The following REV3L variants were observed in gnomAD, a reference collection of about 807,000 sequenced individuals.
REV3L encodes REV3 like, DNA directed polymerase zeta catalytic subunit.
In REV3L, 69 loss-of-function variants were observed where a neutral mutation model predicts 299.4. The ratio of observed to expected loss-of-function variants is 0.23; its 90% CI spans 0.19 to 0.28. REV3L has a LOEUF of 0.28. REV3L is among the 10% of genes least tolerant of loss of function. The pLI, the probability that REV3L is intolerant of heterozygous loss-of-function variation, is 1.00. For missense variants in REV3L, 3,128 were observed against 3,693.8 expected (o/e 0.85, Z 3.97); for synonymous variants, 1,238 against 1,271.4 (o/e 0.97, Z 0.56).
At chr6:111,383,003 A>AAC (rs1780990849) in intron 9 of REV3L, among the ~76,000 whole-genome samples, 1 of 152,184 alleles carries the variant, frequency 6.6e-6, no homozygotes, top group African/African-American at 2.4e-5. Flanking sequence ...GCCAGAAGGG[A>AAC]ACCTGCTGCC....
intron 1 of REV3L, among the ~76,000 whole-genome samples, chr6:111,447,999 T>G (rs1268036547): frequency 6.6e-6 from 1 of 152,224 alleles, no homozygotes; most frequent in Non-Finnish European, 1.5e-5. Context: ...AAATTTTACT[T>G]TAATTGTATT....
chr6:111,321,045 T>G (rs1174267091), intron 26 of REV3L, among the ~76,000 whole-genome samples: 3 of 152,176 alleles, frequency 2.0e-5, no homozygotes, highest in Non-Finnish European at 4.4e-5. Context: ...ATAATAACTA[T>G]AAAATCTGAT....
chr6:111,474,164 A>C (rs1159133999), intron 1 of REV3L, among the ~76,000 whole-genome samples: 1 of 152,258 alleles, frequency 6.6e-6, no homozygotes, highest in Non-Finnish European at 1.5e-5. Flanking sequence ...TTTCAAAACC[A>C]AACATTTTCA....
chr6:111,343,841 C>A, intron 21 of REV3L, 84 bp downstream of exon 21: 1 of 1,024,902 alleles, frequency 9.8e-7, no homozygotes. Flanking sequence ...GAACAATACA[C>A]TTTAAATGTG....
chr6:111,473,575 G>A (rs895704200), intron 1 of REV3L, among the ~76,000 whole-genome samples: 4 of 151,430 alleles, frequency 2.6e-5, no homozygotes, highest in South Asian at 2.1e-4. Flanking sequence ...ATCATAAAAC[G>A]AATCCTACTA....
At chr6:111,431,791 C>T (rs1296550126) in intron 1 of REV3L, 8 of 718,540 alleles carry the variant, frequency 1.1e-5, no homozygotes, top group Non-Finnish European at 2.1e-5. Flanking sequence ...TTGAGGCCAC[C>T]TGTATTTGAT....
At chr6:111,430,593 G>C in intron 1 of REV3L, 1 of 1,549,158 alleles carries the variant, frequency 6.5e-7, no homozygotes, top group Non-Finnish European at 8.9e-7. Context: ...TCAAAAGCAG[G>C]AAGACAGAAC....
chr6:111,372,489 G>T, intron 13 of REV3L, 107 bp downstream of exon 13: 1 of 774,448 alleles, frequency 1.3e-6, no homozygotes, highest in Non-Finnish European at 1.9e-6. Context: ...AAAACTAGCA[G>T]TCAGGTAACC....
chr6:111,451,951 A>G (rs1283979142), intron 1 of REV3L, among the ~76,000 whole-genome samples: 1 of 152,148 alleles, frequency 6.6e-6, no homozygotes, highest in Non-Finnish European at 1.5e-5. Context: ...TTGGGAGAAA[A>G]TATCTGCAAA....
chr6:111,474,691 A>AC (rs1792694003), intron 1 of REV3L, among the ~76,000 whole-genome samples: 1 of 152,214 alleles, frequency 6.6e-6, no homozygotes, highest in Non-Finnish European at 1.5e-5. Flanking sequence ...AAGATCTCTA[A>AC]CAATAACTAA....
chr6:111,436,318 G>A (rs1469040388), intron 1 of REV3L, among the ~76,000 whole-genome samples: 4 of 152,070 alleles, frequency 2.6e-5, no homozygotes, highest in Non-Finnish European at 4.4e-5. Flanking sequence ...AGATATCTCT[G>A]TACTCCCATG....
In REV3L at chr6:111,303,701, C is replaced by CTTTTTTT. The variant is rs58366929; in HGVS notation, c.9253-3552_9253-3546dup. On this transcript the variant is annotated intron_variant, in intron 31 of 31. Transcript: ENST00000368802. The stretch of plus-strand genomic sequence containing the variant: ...TTTTTTTTTTTTTAACAGACTATGA[C>CTTTTTTT]TTTTTTTTTTTTTTTTTTTTTTTTT... Among the ~76,000 whole-genome samples, 6 of 12,644 alleles carry CTTTTTTT rather than the reference C, an allele frequency of 4.7e-4. 2 individuals are homozygous for CTTTTTTT. Among genetic ancestry groups the CTTTTTTT allele is most frequent in the African/African-American group, 9.5e-4 (4 of 4,208 alleles). 8.3% of individuals were successfully genotyped at this position (12,644 alleles called of 152,430 possible).
At chr6:111,369,541 C>T (rs993120943) in intron 13 of REV3L, among the ~76,000 whole-genome samples, 2 of 151,906 alleles carry the variant, frequency 1.3e-5, no homozygotes, top group South Asian at 4.1e-4. Context: ...GGCAAAATTG[C>T]AAACAACCTT....
At chr6:111,443,640 G>A (rs1446064388) in intron 1 of REV3L, among the ~76,000 whole-genome samples, 2 of 152,272 alleles carry the variant, frequency 1.3e-5, no homozygotes, top group East Asian at 3.9e-4. Context: ...TCTACTGAAT[G>A]CCTGGTGTAT....
At chr6:111,302,762 C>T (rs1039186062) in intron 31 of REV3L, among the ~76,000 whole-genome samples, 4 of 151,958 alleles carry the variant, frequency 2.6e-5, no homozygotes, top group African/African-American at 4.8e-5. Flanking sequence ...ATTAGCTGGG[C>T]GTGGTGGTGC....
intron 24 of REV3L, among the ~76,000 whole-genome samples, chr6:111,330,078 C>G (rs1381274794): frequency 6.6e-6 from 1 of 152,192 alleles, no homozygotes; most frequent in African/African-American, 2.4e-5. Flanking sequence ...AACCCCCATT[C>G]TTTCAAAATG....
At chr6:111,428,683 GA>G (rs1370296509) in intron 1 of REV3L, among the ~76,000 whole-genome samples, 7 of 151,688 alleles carry the variant, frequency 4.6e-5, no homozygotes, top group African/African-American at 1.5e-4. Flanking sequence ...GGAGAAAAAA[GA>G]AAAAAACCAA....
In REV3L at chr6:111,375,178, A is replaced by G. The variant is rs1450676917; in HGVS notation, c.3177T>C (p.Thr1059=). 1 of 1,609,016 alleles carries G rather than the reference A, an allele frequency of 6.2e-7. No homozygotes were observed. Among genetic ancestry groups the G allele is most frequent in the East Asian group, 2.2e-5 (1 of 44,846 alleles). The change falls in exon 13 of 32, where the codon ACT becomes ACC. Residue 1059 remains threonine (T), a synonymous_variant. Coordinates refer to ENST00000368802, the MANE Select transcript of REV3L (RefSeq NM_001372078.1). ...CATTATTTGTCCTTTGTTGTTTACC[A>G]GTTTTTTTCTTAGCAGATTTATGTT... ...KSKHKSAKKK[T]GKQQRTNNEN...
intron 9 of REV3L, among the ~76,000 whole-genome samples, chr6:111,384,442 G>A (rs1781135173): frequency 6.6e-6 from 1 of 152,130 alleles, no homozygotes. Context: ...CAAAAGATCT[G>A]AACAGACATT....
Sources: allele counts gnomAD v4.1 joint callset (sites outside exome capture counted in the v4.1 genomes callset), GRCh38; gene constraint gnomAD v4.1.1; transcripts MANE v1.5; gene names NCBI Gene and HGNC (gene_info 2026-07-23, HGNC 2026-07-21).